RAD54B: variants seen among roughly 807,000 people sequenced by gnomAD.
The protein encoded by RAD54B is RAD54 homolog B, also known as DNA repair and recombination protein RAD54B.
Under a neutral mutation model 95.8 loss-of-function variants are expected in RAD54B, and 78 were observed. That is an observed-to-expected ratio of 0.81 (90% CI 0.68 to 0.98). The LOEUF is 0.98. Among genes scored for constraint, RAD54B ranks in the 50% least tolerant of loss-of-function variants. The pLI, the probability that RAD54B is intolerant of heterozygous loss-of-function variation, is 0.00. For missense variants in RAD54B, 957 were observed against 1,056.6 expected (o/e 0.91, Z 1.31); for synonymous variants, 328 against 354.9 (o/e 0.92, Z 0.85).
intron 4 of RAD54B, 85 bp downstream of exon 4, chr8:94,411,035 TA>T: frequency 9.4e-7 from 1 of 1,059,016 alleles, no homozygotes. Flanking sequence ...CATCTCTTTA[TA>T]AAACCCAATT....
chr8:94,373,368 T>C (rs2445727), intron 14 of RAD54B, among the ~76,000 whole-genome samples: 137,056 of 152,232 alleles, frequency 0.9, 62,191 homozygotes, highest in Non-Finnish European at 0.96. Context: ...AGTCACCTTT[T>C]CCAGCCTCCC....
chr8:94,454,562 T>A (rs1812738284), intron 3 of RAD54B, among the ~76,000 whole-genome samples: 1 of 152,216 alleles, frequency 6.6e-6, no homozygotes, highest in Admixed American at 6.5e-5. Context: ...AATATAAATA[T>A]GATACCAACA....
intron 14 of RAD54B, among the ~76,000 whole-genome samples, chr8:94,374,008 A>G (rs71532311): frequency 0.04 from 6,051 of 152,270 alleles, 197 homozygotes; most frequent in Non-Finnish European, 0.061. Flanking sequence ...GGCCGGGCGC[A>G]GTGGCTCACG....
At chr8:94,372,595 A>T (rs10111959) in intron 14 of RAD54B, among the ~76,000 whole-genome samples, 4,460 of 152,330 alleles carry the variant, frequency 0.029, 83 homozygotes, top group Non-Finnish European at 0.043. Context: ...TGATGAAGAA[A>T]CACAGGCATG....
At chr8:94,419,236 G>A (rs1415571608) in intron 3 of RAD54B, among the ~76,000 whole-genome samples, 1 of 152,176 alleles carries the variant, frequency 6.6e-6, no homozygotes, top group African/African-American at 2.4e-5. Flanking sequence ...AAGGTTGGGA[G>A]TGGTGGCTCA....
rs192402503 is a variant in RAD54B at position 94,393,764 on chromosome 8, C to A, written c.1497G>T (p.Ser499=). 2.5e-6 allele frequency: 4 copies of A among 1,582,776 alleles called. No individual in the cohort carries two copies. The highest frequency in any genetic ancestry group is 3.5e-6 in the Non-Finnish European group (4 of 1,154,288). The change falls in exon 9 of 15, where the codon TCG becomes TCT. Residue 499 remains serine, a synonymous_variant. Transcript: ENST00000336148. ...RKIYEEPIIL[S]REPSASEEEK... ...ATACCTCAGAAGCAGAAGGTTCTCTCGATAAAATGATGGGTTCTTCATATA... is the reference window on the plus strand; with the variant it reads ...ATACCTCAGAAGCAGAAGGTTCTCTAGATAAAATGATGGGTTCTTCATATA...
At chr8:94,431,268 C>G in intron 3 of RAD54B, 1 of 969,424 alleles carries the variant, frequency 1.0e-6, no homozygotes, top group Non-Finnish European at 1.2e-6. Context: ...ACAGGACATT[C>G]AAAATGAATT....
intron 14 of RAD54B, 131 bp downstream of exon 14, chr8:94,378,049 G>T: frequency 1.8e-6 from 1 of 563,072 alleles, no homozygotes; most frequent in East Asian, 3.5e-5. Context: ...GCTGCCCTAT[G>T]AGCTGAGAAA....
At chr8:94,377,975 CAAAAAAAAAAAA>C (rs59955111) in intron 14 of RAD54B, among the ~76,000 whole-genome samples, 193 bp downstream of exon 14, 1 of 77,156 alleles carries the variant, frequency 1.3e-5, no homozygotes. Context: ...GACTCCGTCT[CAAAAAAAAAAAA>C]AAAAAAAAAA....
intron 1 of RAD54B, 120 bp from the exon 2 acceptor site, chr8:94,467,675 G>T: frequency 2.1e-6 from 2 of 973,144 alleles, no homozygotes; most frequent in Admixed American, 2.7e-5. Flanking sequence ...GGCCTGCCTG[G>T]CCCCCCAAGC....
intron 3 of RAD54B, chr8:94,431,382 T>A: frequency 1.0e-6 from 1 of 984,654 alleles, no homozygotes; most frequent in Non-Finnish European, 1.2e-6. Context: ...GGGTAATTGA[T>A]GTAATTATCC....
intron 1 of RAD54B, among the ~76,000 whole-genome samples, chr8:94,470,081 A>G (rs3099400): frequency 1 from 151,666 of 152,350 alleles, 75,495 homozygotes; most frequent in Middle Eastern, 1. Flanking sequence ...GACTACCAAC[A>G]TTATCTGTTT....
chr8:94,413,803 G>A (rs985799610), intron 3 of RAD54B, among the ~76,000 whole-genome samples: 1 of 150,272 alleles, frequency 6.7e-6, no homozygotes, highest in Admixed American at 6.7e-5. Context: ...ATAAGACAAA[G>A]GTCTTGTATC....
At chr8:94,448,766 T>C (rs1338022553) in intron 3 of RAD54B, among the ~76,000 whole-genome samples, 1 of 150,254 alleles carries the variant, frequency 6.7e-6, no homozygotes, top group Non-Finnish European at 1.5e-5. Flanking sequence ...AAAGGTGGGT[T>C]GGTGGGGGAG....
chr8:94,385,547 G>C (rs1053872730), intron 11 of RAD54B, among the ~76,000 whole-genome samples: 2 of 152,166 alleles, frequency 1.3e-5, no homozygotes, highest in Admixed American at 1.3e-4. Context: ...GGAGTACAGA[G>C]GAGGGGAGTC....
At chr8:94,467,026 T>A (rs1813040560) in intron 2 of RAD54B, among the ~76,000 whole-genome samples, 1 of 152,106 alleles carries the variant, frequency 6.6e-6, no homozygotes, top group Non-Finnish European at 1.5e-5. Flanking sequence ...CCTCCCAGGC[T>A]CAAGTCATCC....
intron 3 of RAD54B, among the ~76,000 whole-genome samples, chr8:94,453,618 G>A (rs1812716147): frequency 6.6e-6 from 1 of 152,074 alleles, no homozygotes; most frequent in Non-Finnish European, 1.5e-5. Flanking sequence ...GCAATGTATA[G>A]AACAAGGAAG....
chr8:94,465,393 C>A (rs1328371672), intron 2 of RAD54B, among the ~76,000 whole-genome samples: 2 of 152,114 alleles, frequency 1.3e-5, no homozygotes, highest in Admixed American at 6.6e-5. Flanking sequence ...GGCCAATAAG[C>A]ACATGAAAAG....
intron 3 of RAD54B, chr8:94,431,546 CCATA>C: frequency 1.0e-6 from 1 of 962,888 alleles, no homozygotes; most frequent in Non-Finnish European, 1.2e-6. Context: ...CTCTGCTCTG[CCATA>C]AATAGCTTTG....
Sources: gnomAD v4.1 joint callset for allele counts (sites outside exome capture counted in the v4.1 genomes callset) on GRCh38, gnomAD v4.1.1 for gene constraint, MANE v1.5 for transcripts, NCBI Gene and HGNC (gene_info 2026-07-23, HGNC 2026-07-21) for gene names.